The following SPOCK1 variants were observed in gnomAD, a reference collection of about 807,000 sequenced individuals.
The protein encoded by SPOCK1 is testican-1.
In SPOCK1, 23 loss-of-function variants were observed where a neutral mutation model predicts 55.3. That is an observed-to-expected ratio of 0.42 (90% CI 0.30 to 0.59). The LOEUF is 0.59. SPOCK1 is among the 20% of genes least tolerant of loss of function. The pLI is 0.22. For synonymous variants in SPOCK1, 226 were observed against 221.0 expected (o/e 1.02, Z -0.20); for missense variants, 499 against 552.5 (o/e 0.90, Z 0.97).
chr5:137,341,220 G>A (rs1487383000), intron 2 of SPOCK1, among the ~76,000 whole-genome samples: 1 of 152,254 alleles, frequency 6.6e-6, no homozygotes, highest in African/African-American at 2.4e-5. Flanking sequence ...AGGTCTCAGA[G>A]ACAAAAGACA....
chr5:137,192,064 G>T (rs912036529), intron 3 of SPOCK1, among the ~76,000 whole-genome samples: 11 of 151,428 alleles, frequency 7.3e-5, no homozygotes, highest in Non-Finnish European at 1.6e-4. Context: ...GTGAAACCTC[G>T]TATCTACTAA....
chr5:137,389,873 A>G (rs1751678695), intron 2 of SPOCK1, among the ~76,000 whole-genome samples: 1 of 152,180 alleles, frequency 6.6e-6, no homozygotes, highest in Non-Finnish European at 1.5e-5. Context: ...CTAGGCTACT[A>G]ACAATATTAA....
chr5:137,165,320 G>A lies in SPOCK1; in HGVS notation c.233-24626C>T, dbSNP rs147527815. Reference sequence around the variant, plus strand: ...CTGGGTCTTGTCCAAGACCATCAAGGTGGTACTTCTATCAGTCTACAAAAC... The same window carrying A: ...CTGGGTCTTGTCCAAGACCATCAAGATGGTACTTCTATCAGTCTACAAAAC... On this transcript the variant is annotated intron_variant, in intron 3 of 10. Coordinates refer to ENST00000394945, the MANE Select transcript of SPOCK1 (RefSeq NM_004598.4). 2.2e-5 allele frequency among the ~76,000 whole-genome samples: 3 copies of A among 133,532 alleles called. No homozygotes were observed. The East Asian group carries it at 7.0e-4, about 31-fold the overall frequency. 87.6% of individuals were successfully genotyped at this position (133,532 alleles called of 152,430 possible).
rs975980417 is a variant in SPOCK1 at position 137,230,633 on chromosome 5, C to T, written c.232+36377G>A. Reference sequence around the variant, plus strand: ...ATTTCAGATGTCACATTGTTTAGTCCTTTTCTATATCCTTTTCTGAAAATA... The same window carrying T: ...ATTTCAGATGTCACATTGTTTAGTCTTTTTCTATATCCTTTTCTGAAAATA... On this transcript the variant is annotated intron_variant, in intron 3 of 10. Transcript: ENST00000394945. 1.6e-4 allele frequency among the ~76,000 whole-genome samples: 25 copies of T among 152,096 alleles called. 1 individual carries two copies. The highest frequency in any genetic ancestry group is 1.5e-3 in the Admixed American group (23 of 15,268).
intron 10 of SPOCK1, among the ~76,000 whole-genome samples, chr5:136,979,063 G>A (rs1750673377): frequency 6.6e-6 from 1 of 152,090 alleles, no homozygotes; most frequent in Non-Finnish European, 1.5e-5. Flanking sequence ...TTCCCAGGAG[G>A]TTTACAACCC....
intron 2 of SPOCK1, among the ~76,000 whole-genome samples, chr5:137,310,951 T>C (rs1247982477): frequency 5.9e-5 from 9 of 152,178 alleles, no homozygotes; most frequent in Admixed American, 5.9e-4. Context: ...ACAGAAGGAC[T>C]GCTCAATTCC....
chr5:137,396,653 T>C (rs1751855337), intron 2 of SPOCK1, among the ~76,000 whole-genome samples: 1 of 152,246 alleles, frequency 6.6e-6, no homozygotes, highest in Non-Finnish European at 1.5e-5. Flanking sequence ...TCTGGTTATC[T>C]ACTCTGTTTC....
intron 2 of SPOCK1, among the ~76,000 whole-genome samples, chr5:137,474,414 T>A (rs192299055): frequency 3.0e-4 from 45 of 152,296 alleles, no homozygotes; most frequent in Non-Finnish European, 5.1e-4. Flanking sequence ...TCTAATGGTA[T>A]GGTGTTTGAT....
chr5:137,415,977 A>T (rs1481497996), intron 2 of SPOCK1, among the ~76,000 whole-genome samples: 2 of 152,162 alleles, frequency 1.3e-5, no homozygotes, highest in African/African-American at 4.8e-5. Flanking sequence ...CACAGGAAAC[A>T]GGAAGAAAAG....
chr5:137,231,126 C>T (rs115152881), intron 3 of SPOCK1, among the ~76,000 whole-genome samples: 2,578 of 152,126 alleles, frequency 0.017, 36 homozygotes, highest in Non-Finnish European at 0.025. Context: ...TCACTGTAAC[C>T]TCCACCTTCC....
chr5:137,164,206 T>C (rs1328324076), intron 3 of SPOCK1, among the ~76,000 whole-genome samples: 1 of 152,188 alleles, frequency 6.6e-6, no homozygotes, highest in Non-Finnish European at 1.5e-5. Context: ...TCATTACTTC[T>C]CTACCAGATT....
intron 2 of SPOCK1, among the ~76,000 whole-genome samples, chr5:137,405,269 C>G (rs999867763): frequency 6.6e-6 from 1 of 152,200 alleles, no homozygotes; most frequent in African/African-American, 2.4e-5. Flanking sequence ...AGGGAAGGAA[C>G]AGGGAATCCC....
intron 2 of SPOCK1, 26 bp downstream of exon 2, chr5:137,498,347 C>A: frequency 6.4e-7 from 1 of 1,565,758 alleles, no homozygotes; most frequent in East Asian, 2.4e-5. Flanking sequence ...CCGCGCCCCC[C>A]AGGGCCGGGT....
At chr5:137,427,783 G>C (rs1220278362) in intron 2 of SPOCK1, among the ~76,000 whole-genome samples, 1 of 151,912 alleles carries the variant, frequency 6.6e-6, no homozygotes, top group Non-Finnish European at 1.5e-5. Context: ...GTGGTGGGTG[G>C]CTGTAGTCCC....
chr5:137,082,417 T>TG (rs1403521465), intron 5 of SPOCK1, among the ~76,000 whole-genome samples: 5 of 152,056 alleles, frequency 3.3e-5, no homozygotes, highest in African/African-American at 1.2e-4. Context: ...ACCAGGTGGG[T>TG]GGGGATGCTT....
intron 2 of SPOCK1, among the ~76,000 whole-genome samples, chr5:137,356,828 T>TAGAGAGAGAGAG (rs1750820221): frequency 1.3e-4 from 2 of 14,928 alleles, no homozygotes; most frequent in Non-Finnish European, 2.5e-4. Flanking sequence ...TATATATATA[T>TAGAGAGAGAGAG]ATATATATAT....
At chr5:136,990,559 T>A (rs2126963154) in intron 7 of SPOCK1, among the ~76,000 whole-genome samples, 1 of 152,178 alleles carries the variant, frequency 6.6e-6, no homozygotes, top group South Asian at 2.1e-4. Flanking sequence ...CCCCTCTTTT[T>A]TTTTTTCCAG....
intron 3 of SPOCK1, among the ~76,000 whole-genome samples, chr5:137,217,191 A>G (rs543113887): frequency 6.6e-6 from 1 of 152,354 alleles, no homozygotes; most frequent in East Asian, 1.9e-4. Context: ...AACATAATGA[A>G]TAAATAAACA....
chr5:137,016,478 T>C (rs1222919542), intron 6 of SPOCK1, among the ~76,000 whole-genome samples: 1 of 152,162 alleles, frequency 6.6e-6, no homozygotes, highest in Non-Finnish European at 1.5e-5. Flanking sequence ...ATTTCCCAAA[T>C]AAGAAGACCT....
Sources: allele counts gnomAD v4.1 joint callset (sites outside exome capture counted in the v4.1 genomes callset), GRCh38; gene constraint gnomAD v4.1.1; transcripts MANE v1.5; gene names NCBI Gene and HGNC (gene_info 2026-07-23, HGNC 2026-07-21).